PLXDC2: variants seen among roughly 807,000 people sequenced by gnomAD.
PLXDC2 encodes the protein plexin domain-containing protein 2.
PLXDC2 carries 40 observed loss-of-function variants against 68.9 expected under a neutral mutation model. The ratio of observed to expected loss-of-function variants is 0.58; its 90% CI spans 0.45 to 0.76. The LOEUF (loss-of-function observed/expected upper bound fraction) is 0.76, where lower values mean the gene tolerates loss of function less well. PLXDC2 is among the 30% of genes least tolerant of loss of function. PLXDC2 has a pLI of 0.00. For synonymous variants in PLXDC2, 243 were observed against 234.2 expected (o/e 1.04, Z -0.34); for missense variants, 644 against 661.9 (o/e 0.97, Z 0.30).
chr10:20,038,697 T>G (rs1835623179), intron 2 of PLXDC2, among the ~76,000 whole-genome samples: 1 of 152,218 alleles, frequency 6.6e-6, no homozygotes, highest in South Asian at 2.1e-4. Context: ...AATGTTCATT[T>G]AATATAATTC....
In PLXDC2 at chr10:19,862,772, A is replaced by T. The variant is rs75598303; in HGVS notation, c.112+45581A>T. ...GGATCTATTTACACCCTGCCAACAG[A>T]TACCCAGCCTTCTTAAACTTATTGT... On this transcript the variant is annotated intron_variant, in intron 1 of 13. Transcript: ENST00000377252. 2.7e-3 allele frequency among the ~76,000 whole-genome samples: 417 copies of T among 152,316 alleles called. 1 individual carries two copies. The highest frequency in any genetic ancestry group is 9.1e-3 in the African/African-American group (377 of 41,568).
chr10:19,888,362 C>T (rs997895824), intron 1 of PLXDC2, among the ~76,000 whole-genome samples: 2 of 152,114 alleles, frequency 1.3e-5, no homozygotes, highest in South Asian at 2.1e-4. Context: ...AGTAGTTTTT[C>T]TTCTGGCTAT....
At position 20,002,040 on chromosome 10, in the gene PLXDC2, G is replaced by A. The variant is rs1262663940; in HGVS notation, c.324+54G>A. On this transcript the variant is annotated intron_variant, in intron 2 of 13. Transcript: ENST00000377252. ...GGATTAATGAATTTATTTCATGTAG[G>A]TGCCCAACTTTTATATAGACATAAG... 3 of 1,532,498 alleles carry A rather than the reference G, an allele frequency of 2.0e-6. No homozygotes were observed. In the African/African-American group the frequency reaches 4.1e-5, roughly 21 times the overall value. The allele number at this position is 1,532,498 out of a possible 1,614,324, so 94.9% of individuals were successfully genotyped here.
At position 20,281,900 on chromosome 10, in the gene PLXDC2, C is replaced by A. The variant is rs1836086633; in HGVS notation, c.*2081C>A. 6.6e-6 allele frequency: 1 copy of A among 152,078 alleles called. No individual in the cohort carries two copies. The highest frequency in any genetic ancestry group is 1.5e-5 in the Non-Finnish European group (1 of 67,988). 9.4% of individuals were successfully genotyped at this position (152,078 alleles called of 1,614,324 possible). On this transcript the variant is annotated 3_prime_UTR_variant, in exon 14 of 14. Coordinates refer to ENST00000377252, the MANE Select transcript of PLXDC2 (RefSeq NM_032812.9). ...TCACTACCTTTTGTGGTAGCTGTGG[C>A]TTCCAATAGCAACTGTTTGACAGTT...
intron 2 of PLXDC2, among the ~76,000 whole-genome samples, chr10:20,031,866 C>T (rs1402875449): frequency 6.6e-6 from 1 of 151,890 alleles, no homozygotes; most frequent in African/African-American, 2.4e-5. Flanking sequence ...CACTCTGTCA[C>T]TCATGCTGGA....
intron 1 of PLXDC2, among the ~76,000 whole-genome samples, chr10:19,887,117 T>C (rs948774851): frequency 2.6e-5 from 4 of 152,176 alleles, no homozygotes; most frequent in African/African-American, 9.7e-5. Flanking sequence ...TGGTATGTGT[T>C]TTTAAATCTT....
At chr10:20,224,124 C>A (rs918375117) in intron 12 of PLXDC2, among the ~76,000 whole-genome samples, 1 of 152,036 alleles carries the variant, frequency 6.6e-6, no homozygotes, top group African/African-American at 2.4e-5. Flanking sequence ...CAGGCACATG[C>A]CACCATGCCC....
chr10:19,831,045 T>G (rs1206897789), intron 1 of PLXDC2, among the ~76,000 whole-genome samples: 6 of 152,032 alleles, frequency 3.9e-5, no homozygotes, highest in Non-Finnish European at 7.4e-5. Flanking sequence ...GCACCTTTCA[T>G]AGTGCTTGGT....
At chr10:20,159,341 C>A (rs1453757705) in intron 6 of PLXDC2, among the ~76,000 whole-genome samples, 1 of 152,152 alleles carries the variant, frequency 6.6e-6, no homozygotes, top group Non-Finnish European at 1.5e-5. Flanking sequence ...GTATCCTTTA[C>A]TCTGCTTTTG....
At chr10:20,257,440 C>T (rs1337655350) in intron 13 of PLXDC2, among the ~76,000 whole-genome samples, 1 of 151,836 alleles carries the variant, frequency 6.6e-6, no homozygotes, top group Admixed American at 6.6e-5. Flanking sequence ...TTATTGGTAA[C>T]CCAACGGCAA....
intron 1 of PLXDC2, among the ~76,000 whole-genome samples, chr10:19,938,155 A>G (rs1356471294): frequency 6.6e-6 from 1 of 152,168 alleles, no homozygotes; most frequent in East Asian, 1.9e-4. Context: ...ACCTTGGCAT[A>G]ATTTGCATAA....
chr10:20,100,716 A>G (rs187465457), intron 4 of PLXDC2, among the ~76,000 whole-genome samples: 20 of 152,224 alleles, frequency 1.3e-4, no homozygotes, highest in African/African-American at 4.1e-4. Flanking sequence ...GGTTACTTCA[A>G]TATTTTTTGC....
intron 13 of PLXDC2, among the ~76,000 whole-genome samples, chr10:20,246,037 T>C (rs923392568): frequency 1.3e-5 from 2 of 152,240 alleles, no homozygotes; most frequent in Non-Finnish European, 2.9e-5. Flanking sequence ...TTTTGCATAA[T>C]GTATGTACAC....
chr10:20,116,319 G>C (rs1260630034), intron 4 of PLXDC2, among the ~76,000 whole-genome samples: 1 of 152,070 alleles, frequency 6.6e-6, no homozygotes, highest in Non-Finnish European at 1.5e-5. Context: ...TTTTCTCTTG[G>C]TTGCACCAGT....
intron 4 of PLXDC2, among the ~76,000 whole-genome samples, chr10:20,095,941 C>T (rs1410398411): frequency 1.3e-5 from 2 of 152,148 alleles, no homozygotes; most frequent in African/African-American, 2.4e-5. Flanking sequence ...AAATATTTCT[C>T]TTCTAAGATG....
At chr10:20,278,964 T>G (rs951210443) in intron 13 of PLXDC2, among the ~76,000 whole-genome samples, 4 of 152,198 alleles carry the variant, frequency 2.6e-5, no homozygotes, top group African/African-American at 7.2e-5. Context: ...CAGGTTTGTT[T>G]GATGGATGGA....
chr10:20,222,035 G>A (rs548933725), intron 12 of PLXDC2, among the ~76,000 whole-genome samples: 2 of 152,130 alleles, frequency 1.3e-5, no homozygotes, highest in African/African-American at 4.8e-5. Flanking sequence ...AGATTGACAG[G>A]TCTGTCATCT....
chr10:19,858,893 G>A (rs1193506658), intron 1 of PLXDC2, among the ~76,000 whole-genome samples: 1 of 152,028 alleles, frequency 6.6e-6, no homozygotes, highest in Non-Finnish European at 1.5e-5. Flanking sequence ...AGGCTTATTT[G>A]GTTCATGATT....
At chr10:20,010,837 A>C (rs1481550304) in intron 2 of PLXDC2, among the ~76,000 whole-genome samples, 2 of 152,176 alleles carry the variant, frequency 1.3e-5, no homozygotes, top group East Asian at 3.9e-4. Context: ...AGTTCTTTCT[A>C]CTTTAATTCC....
Sources: gnomAD v4.1 joint callset for allele counts (sites outside exome capture counted in the v4.1 genomes callset) on GRCh38, gnomAD v4.1.1 for gene constraint, MANE v1.5 for transcripts, NCBI Gene and HGNC (gene_info 2026-07-23, HGNC 2026-07-21) for gene names.